ENKUR: variants seen among roughly 807,000 people sequenced by gnomAD.
ENKUR encodes enkurin, TRPC channel interacting protein, also known as enkurin.
Under a neutral mutation model 27.6 loss-of-function variants are expected in ENKUR, and 19 were observed. The ratio of observed to expected loss-of-function variants is 0.69; its 90% CI spans 0.48 to 1.01. The LOEUF is 1.01. Among genes scored for constraint, ENKUR ranks in the 50% least tolerant of loss-of-function variants. The probability of loss-of-function intolerance (pLI) is 0.00; values close to 1 mark genes in which losing one functional copy is unlikely to be tolerated. For synonymous variants in ENKUR, 117 were observed against 96.9 expected (o/e 1.21, Z -1.22); for missense variants, 312 against 310.5 (o/e 1.00, Z -0.04).
In ENKUR at chr10:24,993,621, A is replaced by G. The variant is rs368474979; in HGVS notation, c.447+2025T>C. ...AATTTATTTACTATCTCACCTACCA[A>G]TGATAGATCTTTAAAACTTAACTCT... On this transcript the variant is annotated intron_variant, in intron 3 of 5. Coordinates refer to ENST00000331161, the MANE Select transcript of ENKUR (RefSeq NM_145010.4). 4.6e-5 allele frequency among the ~76,000 whole-genome samples: 7 copies of G among 152,252 alleles called. No individual in the cohort carries two copies. In the East Asian group the frequency reaches 9.6e-4, roughly 21 times the overall value.
chr10:24,986,671 T>C (rs1849787917), intron 4 of ENKUR, among the ~76,000 whole-genome samples: 2 of 152,220 alleles, frequency 1.3e-5, no homozygotes. Context: ...TTTTTCTCTG[T>C]ATTTTCTTTT....
intron 1 of ENKUR, 103 bp downstream of exon 1, chr10:25,015,757 A>G: frequency 9.0e-7 from 1 of 1,107,070 alleles, no homozygotes; most frequent in East Asian, 3.1e-5. Context: ...CGAGGCAAAA[A>G]TACATTTTAT....
At chr10:25,057,093 G>T (rs1214936432) in intron 2 of ENKUR, among the ~76,000 whole-genome samples, 1 of 152,066 alleles carries the variant, frequency 6.6e-6, no homozygotes, top group Non-Finnish European at 1.5e-5. Context: ...AAAGACTCAA[G>T]TAATAATAGT....
intron 1 of ENKUR, among the ~76,000 whole-genome samples, chr10:25,001,130 T>C (rs1353042629): frequency 6.6e-6 from 1 of 152,084 alleles, no homozygotes; most frequent in East Asian, 1.9e-4. Flanking sequence ...TATTTACCCA[T>C]ATATTTGCCA....
At chr10:25,000,153 T>C (rs1478104567) in intron 1 of ENKUR, among the ~76,000 whole-genome samples, 1 of 152,202 alleles carries the variant, frequency 6.6e-6, no homozygotes, top group Non-Finnish European at 1.5e-5. Context: ...ATCTAATTGA[T>C]TTCAGATATA....
chr10:25,034,910 T>G (rs1546097), intron 2 of ENKUR, among the ~76,000 whole-genome samples: 50,296 of 151,992 alleles, frequency 0.33, 8,615 homozygotes, highest in East Asian at 0.5. Context: ...TTTACTGGCA[T>G]CAGAAAGAAG....
chr10:25,050,366 A>T (rs1851172868), intron 2 of ENKUR, among the ~76,000 whole-genome samples: 1 of 152,262 alleles, frequency 6.6e-6, no homozygotes, highest in Admixed American at 6.5e-5. Context: ...AATTTAATTG[A>T]CTCACAGTTC....
At chr10:25,049,665 G>A (rs544900919) in intron 2 of ENKUR, among the ~76,000 whole-genome samples, 1 of 151,640 alleles carries the variant, frequency 6.6e-6, no homozygotes, top group East Asian at 2.0e-4. Flanking sequence ...GCACATGCCT[G>A]TAATCTCAGC....
intron 1 of ENKUR, among the ~76,000 whole-genome samples, chr10:25,010,276 C>T (rs1850410061): frequency 6.6e-6 from 1 of 152,090 alleles, no homozygotes; most frequent in South Asian, 2.1e-4. Context: ...TGGCATTTTG[C>T]CCCTGCCCTA....
intron 1 of ENKUR, among the ~76,000 whole-genome samples, chr10:25,001,521 TGTTCAA>T (rs2132699892): frequency 6.6e-6 from 1 of 152,250 alleles, no homozygotes; most frequent in African/African-American, 2.4e-5. Context: ...TGCTTGATAT[TGTTCAA>T]GCCTCATTGA....
rs60383858 is a variant in ENKUR at position 25,023,170 on chromosome 10, G to GA, written c.38-27302dup. 4,014 of 1,527,976 alleles carry GA rather than the reference G, an allele frequency of 2.6e-3. 95 individuals carry two copies. In the African/African-American group the frequency reaches 0.046, roughly 18 times the overall value. The allele number at this position is 1,527,976 out of a possible 1,614,324, so 94.7% of individuals were successfully genotyped here. On this transcript the variant is annotated intron_variant, in intron 2 of 5. Coordinates refer to the ENKUR transcript ENST00000615958. ...TTGTTTTTTGTTTGTTTTGTGTTTTGAAAAGGGCTAAAGCCAATTTTTAGG... is the reference window on the plus strand; with the variant it reads ...TTGTTTTTTGTTTGTTTTGTGTTTTGAAAAAGGGCTAAAGCCAATTTTTAGG...
At chr10:25,042,146 C>T (rs1297032132) in intron 2 of ENKUR, among the ~76,000 whole-genome samples, 1 of 151,880 alleles carries the variant, frequency 6.6e-6, no homozygotes, top group Non-Finnish European at 1.5e-5. Flanking sequence ...GGCATTGTAT[C>T]TGCAACTTAC....
chr10:25,016,433 T>C (rs576884697), upstream of ENKUR, among the ~76,000 whole-genome samples: 70 of 152,340 alleles, frequency 4.6e-4, no homozygotes, highest in South Asian at 3.3e-3. Context: ...AATAAGGTTT[T>C]TGTGAGCAGG....
chr10:25,027,497 C>T (rs1008342001), intron 2 of ENKUR, among the ~76,000 whole-genome samples: 3 of 149,074 alleles, frequency 2.0e-5, no homozygotes, highest in Admixed American at 6.7e-5. Context: ...GAGATTGCGC[C>T]GTTGCACTCC....
intron 2 of ENKUR, among the ~76,000 whole-genome samples, chr10:25,057,682 C>A (rs1194516346): frequency 1.3e-5 from 2 of 152,090 alleles, no homozygotes; most frequent in Non-Finnish European, 1.5e-5. Context: ...ACTCAACAAT[C>A]AAGCACATAC....
intron 2 of ENKUR, among the ~76,000 whole-genome samples, chr10:25,031,354 T>G (rs1850932817): frequency 6.6e-6 from 1 of 152,126 alleles, no homozygotes; most frequent in Admixed American, 6.5e-5. Context: ...TAAAGATACT[T>G]GGCGCGGATT....
At chr10:25,049,941 T>G (rs1362306566) in intron 2 of ENKUR, among the ~76,000 whole-genome samples, 1 of 152,102 alleles carries the variant, frequency 6.6e-6, no homozygotes, top group East Asian at 1.9e-4. Context: ...AATTGGCTCA[T>G]GGTTCTGCAG....
chr10:25,021,230 G>T (rs1850712498), intron 2 of ENKUR, among the ~76,000 whole-genome samples: 1 of 152,186 alleles, frequency 6.6e-6, no homozygotes, highest in South Asian at 2.1e-4. Flanking sequence ...TAACCACTAT[G>T]ATATGTGCTT....
At position 24,990,475 on chromosome 10, in the gene ENKUR, C is replaced by A. The variant is rs1319082418; in HGVS notation, c.582G>T (p.Glu194Asp). ...AMKRLSDEER[E>D]AVLQGLKKNW... ...GCAGAACACACACCTGCAAAACTGC[C>A]TCCCTTTCTTCATCGGAGAGCCTTT... Residue 194 changes from glutamate to aspartate, a missense_variant, in exon 4 of 6, where the codon GAG becomes GAT. By Grantham distance (45) the Glu-to-Asp change is conservative. Transcript: ENST00000331161. The A allele has an allele frequency of 1.2e-6, 2 of 1,611,894 alleles. No homozygotes were observed. Among genetic ancestry groups the A allele is most frequent in the African/African-American group, 1.3e-5 (1 of 74,730 alleles).
Sources: gnomAD v4.1 joint callset for allele counts (sites outside exome capture counted in the v4.1 genomes callset) on GRCh38, gnomAD v4.1.1 for gene constraint, MANE v1.5 for transcripts, NCBI Gene and HGNC (gene_info 2026-07-23, HGNC 2026-07-21) for gene names.